The following ZNF469 variants were observed in gnomAD, a reference collection of about 807,000 sequenced individuals.
ZNF469 encodes zinc finger protein 469.
Under a neutral mutation model 1.0 loss-of-function variants are expected in ZNF469, and 1 was observed. The ratio of observed to expected loss-of-function variants is 1.00; its 90% CI spans 0.35 to 4.73. ZNF469 has a LOEUF of 4.73. Among genes scored for constraint, ZNF469 ranks in the 30% most tolerant of loss-of-function variants. The pLI, the probability that ZNF469 is intolerant of heterozygous loss-of-function variation, is 0.16. For missense variants in ZNF469, 6,100 were observed against 5,356.3 expected (o/e 1.14, Z -4.33); for synonymous variants, 2,703 against 2,363.4 (o/e 1.14, Z -4.17).
chr16:88,416,996 G>A (rs996863181), intron 1 of ZNF469, among the ~76,000 whole-genome samples: 9 of 152,218 alleles, frequency 5.9e-5, no homozygotes, highest in African/African-American at 7.2e-5. Flanking sequence ...TGGAGTCTCC[G>A]TGGTACTCGG....
chr16:88,117,573 C>CGGACGGTGGAGGTGCCACGTGCCTTCGG, the ZNF469 span, among the ~76,000 whole-genome samples: 1 of 22,200 alleles, frequency 4.5e-5, no homozygotes, highest in African/African-American at 2.0e-4. Context: ...CGTGCCTTCA[C>CGGACGGTGGAGGTGCCACGTGCCTTCGG]GGACCGTGGA....
the ZNF469 span, among the ~76,000 whole-genome samples, chr16:88,283,897 G>A: frequency 7.3e-6 from 1 of 136,492 alleles, no homozygotes; most frequent in African/African-American, 3.1e-5. Context: ...TGAGGTCTGT[G>A]GAGGCTGGTA....
chr16:88,260,873 A>C, the ZNF469 span, among the ~76,000 whole-genome samples: 1 of 152,130 alleles, frequency 6.6e-6, no homozygotes, highest in Non-Finnish European at 1.5e-5. The surrounding 1 kb of genome is among the most constrained non-coding windows in gnomAD (Gnocchi z 4.1). Flanking sequence ...TCCCGATAAG[A>C]GGGAACAGAA....
At position 88,432,880 on chromosome 16, in the gene ZNF469, G is replaced by A. The variant is rs1906299714; in HGVS notation, c.5410G>A (p.Ala1804Thr). 1 of 1,550,298 alleles carries A rather than the reference G, an allele frequency of 6.5e-7. No individual in the cohort carries two copies. Among genetic ancestry groups the A allele is most frequent in the Non-Finnish European group, 8.7e-7 (1 of 1,146,968 alleles). The part of the protein sequence containing the change: ...EAFGSPAVHL[A>T]PDLAFQGDGA... ...TTTTGGCAGCCCTGCTGTCCATCTG[G>A]CCCCTGACTTGGCATTTCAGGGTGA... is the stretch of plus-strand genomic sequence containing the variant. Residue 1804 changes from alanine to threonine, a missense_variant, in exon 3 of 3, where the codon GCC (alanine) becomes ACC (threonine). Coordinates refer to ENST00000565624, the MANE Select transcript of ZNF469 (RefSeq NM_001367624.2).
chr16:88,137,081 GTGTGCAACCATGCA>G, the ZNF469 span, among the ~76,000 whole-genome samples: 2 of 152,116 alleles, frequency 1.3e-5, no homozygotes, highest in African/African-American at 4.8e-5. Flanking sequence ...AGCACCATGT[GTGTGCAACCATGCA>G]TGTGCAAGTC....
chr16:88,187,632 G>C, the ZNF469 span, among the ~76,000 whole-genome samples: 14 of 151,242 alleles, frequency 9.3e-5, no homozygotes, highest in East Asian at 2.5e-3. Flanking sequence ...TCTGTAAATT[G>C]AATCTCAGAA....
Position 88,429,159 on chromosome 16 carries a change from C to G in ZNF469, c.1689C>G (p.Phe563Leu). ...MTDPGAQPLF[F>L]GVAQPQVSPH... Reference sequence around the variant, plus strand: ...ACCCTGGGGCTCAGCCCCTGTTCTTCGGGGTGGCCCAGCCCCAGGTTTCAC... The same window carrying G: ...ACCCTGGGGCTCAGCCCCTGTTCTTGGGGGTGGCCCAGCCCCAGGTTTCAC... The change falls in exon 3 of 3, where the codon TTC becomes TTG. Residue 563 changes from phenylalanine (F) to leucine (L), a missense_variant. Phe to Leu is a conservative substitution (Grantham distance 22). Transcript: ENST00000565624. 5 of 1,549,918 alleles carry G rather than the reference C, an allele frequency of 3.2e-6. No homozygotes were observed. Among genetic ancestry groups the G allele is most frequent in the Non-Finnish European group, 4.4e-6 (5 of 1,146,850 alleles).
chr16:88,412,526 T>C (rs1408204068), intron 1 of ZNF469, among the ~76,000 whole-genome samples: 1 of 152,204 alleles, frequency 6.6e-6, no homozygotes, highest in African/African-American at 2.4e-5. Flanking sequence ...CCTTGACCTT[T>C]CCTGGGCACA....
chr16:88,102,278 A>G, the ZNF469 span, among the ~76,000 whole-genome samples: 1 of 152,310 alleles, frequency 6.6e-6, no homozygotes, highest in Non-Finnish European at 1.5e-5. Flanking sequence ...GCACTTTGGG[A>G]GGCCAAGGCG....
the ZNF469 span, among the ~76,000 whole-genome samples, chr16:88,228,178 G>A: frequency 0.01 from 1,575 of 152,368 alleles, 114 homozygotes; most frequent in East Asian, 0.17. Context: ...ACGTGGCTTT[G>A]GAGGACACTG....
At chr16:88,125,645 C>T in the ZNF469 span, among the ~76,000 whole-genome samples, 6 of 152,264 alleles carry the variant, frequency 3.9e-5, no homozygotes, top group South Asian at 2.1e-4. Flanking sequence ...TCAGGTCTAG[C>T]TCATACTTTG....
the ZNF469 span, among the ~76,000 whole-genome samples, chr16:88,154,893 A>G: frequency 2.4e-3 from 361 of 152,210 alleles, no homozygotes; most frequent in Middle Eastern, 0.031. Context: ...CTGGCTTCTG[A>G]TGTGACTCAT....
upstream of ZNF469, among the ~76,000 whole-genome samples, chr16:88,380,267 T>G (rs114395516): frequency 0.028 from 2,782 of 97,836 alleles, 168 homozygotes; most frequent in African/African-American, 0.12. Context: ...ACACGTGCAC[T>G]CACACACCCA....
At chr16:88,152,715 A>T in the ZNF469 span, among the ~76,000 whole-genome samples, 22 of 152,050 alleles carry the variant, frequency 1.4e-4, no homozygotes, top group Admixed American at 1.4e-3. The surrounding 1 kb of genome is among the most constrained non-coding windows in gnomAD (Gnocchi z 4.2). Flanking sequence ...TTGGTAAATC[A>T]CTTCCCTCTC....
intron 1 of ZNF469, among the ~76,000 whole-genome samples, chr16:88,393,092 G>T (rs553857002): frequency 6.6e-6 from 1 of 152,398 alleles, no homozygotes; most frequent in Admixed American, 6.5e-5. Context: ...CGCAGGGCCT[G>T]GCAGGAAGCT....
the ZNF469 span, among the ~76,000 whole-genome samples, chr16:88,317,817 G>T: frequency 6.6e-6 from 1 of 152,156 alleles, no homozygotes; most frequent in African/African-American, 2.4e-5. Flanking sequence ...ATCCCATCTG[G>T]TTCTGTTTAA....
At chr16:88,264,132 C>T in the ZNF469 span, among the ~76,000 whole-genome samples, 1 of 152,150 alleles carries the variant, frequency 6.6e-6, no homozygotes, top group Non-Finnish European at 1.5e-5. Context: ...GCCACGTCCT[C>T]TGCATGTGGC....
At chr16:88,357,877 A>G in the ZNF469 span, among the ~76,000 whole-genome samples, 78,805 of 152,120 alleles carry the variant, frequency 0.52, 21,402 homozygotes, top group East Asian at 0.77. Flanking sequence ...AGCCGGTGGC[A>G]GGGCCTGTTG....
chr16:88,284,690 G>A, the ZNF469 span, among the ~76,000 whole-genome samples: 1 of 152,096 alleles, frequency 6.6e-6, no homozygotes, highest in East Asian at 1.9e-4. Flanking sequence ...TGCAGGGTGG[G>A]TCCTCCCAAG....
Sources: gnomAD v4.1 joint callset for allele counts (sites outside exome capture counted in the v4.1 genomes callset) on GRCh38, gnomAD v4.1.1 for gene constraint, Gnocchi (gnomAD v3.1) non-coding constraint, MANE v1.5 for transcripts, NCBI Gene and HGNC (gene_info 2026-07-23, HGNC 2026-07-21) for gene names.